Variants in NTRK3 observed in about 807,000 individuals in gnomAD.
NTRK3 encodes the protein NT-3 growth factor receptor.
In NTRK3, 24 loss-of-function variants were observed where a neutral mutation model predicts 91.7. That is an observed-to-expected ratio of 0.26 (90% CI 0.19 to 0.37). The LOEUF is 0.37. Ranked by LOEUF, NTRK3 falls within the 10% of genes least tolerant of loss-of-function variation. The pLI, the probability that NTRK3 is intolerant of heterozygous loss-of-function variation, is 1.00. For synonymous variants in NTRK3, 483 were observed against 404.0 expected, an observed-to-expected ratio of 1.20 and a Z score of -2.34; for missense variants, 880 against 1,068.9, an observed-to-expected ratio of 0.82 and a Z score of 2.46.
At position 87,977,740 on chromosome 15, in the gene NTRK3, G is replaced by A. The variant is rs545101139; in HGVS notation, c.1586-36987C>T. ...ACTCCCAGGTGATACTCTGGAGGCT[G>A]CCCCAGATACTGGGCAAGAACTTGG... On this transcript the variant is annotated intron_variant, in intron 14 of 18. Coordinates refer to ENST00000394480, the Ensembl canonical transcript of NTRK3. The A allele has an allele frequency of 6.5e-5, 15 of 231,504 alleles. No individual in the cohort carries two copies. The South Asian group carries it at 2.7e-3, about 42-fold the overall frequency. The allele number at this position is 231,504 out of a possible 1,614,324, so 14.3% of individuals were successfully genotyped here. A position where few individuals can be genotyped will look rare whatever the true frequency, so the allele number is the denominator to read the frequency against.
chr15:88,215,056 G>T (rs1173312433), intron 3 of NTRK3, among the ~76,000 whole-genome samples: 1 of 152,160 alleles, frequency 6.6e-6, no homozygotes, highest in Admixed American at 6.5e-5. Context: ...GCCCCTATAG[G>T]CCCATAGCCC....
At chr15:88,227,091 G>T (rs186022881) in intron 3 of NTRK3, among the ~76,000 whole-genome samples, 1 of 152,240 alleles carries the variant, frequency 6.6e-6, no homozygotes, top group African/African-American at 2.4e-5. Flanking sequence ...GAACGATGGT[G>T]CCCCAGCCTT....
intron 17 of NTRK3, among the ~76,000 whole-genome samples, chr15:87,884,292 TAA>T (rs1408724357): frequency 1.3e-5 from 2 of 151,602 alleles, no homozygotes; most frequent in South Asian, 4.1e-4. Flanking sequence ...ATTAATTTTT[TAA>T]AAGTTAAATA....
At chr15:87,991,089 T>C (rs1016217610) in intron 14 of NTRK3, among the ~76,000 whole-genome samples, 9 of 152,194 alleles carry the variant, frequency 5.9e-5, no homozygotes, top group African/African-American at 9.7e-5. Context: ...TTCCACAGAA[T>C]GTGGCACCTT....
intron 14 of NTRK3, among the ~76,000 whole-genome samples, chr15:88,030,168 C>A (rs988689406): frequency 1.9e-4 from 29 of 152,204 alleles, no homozygotes; most frequent in African/African-American, 6.5e-4. Flanking sequence ...TCCCCTGCTC[C>A]TTCAAGTCTC....
intron 17 of NTRK3, among the ~76,000 whole-genome samples, chr15:87,900,027 C>T (rs575655743): frequency 6.6e-6 from 1 of 152,136 alleles, no homozygotes; most frequent in Non-Finnish European, 1.5e-5. Context: ...AGGATGCTTG[C>T]TGCTGAGAGG....
chr15:87,959,731 A>G (rs2072052876), intron 14 of NTRK3, among the ~76,000 whole-genome samples: 1 of 152,208 alleles, frequency 6.6e-6, no homozygotes, highest in Admixed American at 6.5e-5. Flanking sequence ...TAAAGGATTG[A>G]CACCAACACA....
At chr15:88,030,792 TG>T (rs1375501620) in intron 14 of NTRK3, among the ~76,000 whole-genome samples, 2 of 151,942 alleles carry the variant, frequency 1.3e-5, no homozygotes, top group Non-Finnish European at 2.9e-5. Flanking sequence ...TTATTTTAAT[TG>T]GAAAAAAAAA....
chr15:88,222,697 C>A (rs1307142234), intron 3 of NTRK3, among the ~76,000 whole-genome samples: 1 of 152,156 alleles, frequency 6.6e-6, no homozygotes, highest in Non-Finnish European at 1.5e-5. Flanking sequence ...ACTTTCCTGG[C>A]ACTTTGAGGT....
intron 13 of NTRK3, among the ~76,000 whole-genome samples, chr15:88,087,612 G>C (rs1317375052): frequency 6.6e-6 from 1 of 152,190 alleles, no homozygotes; most frequent in Non-Finnish European, 1.5e-5. Flanking sequence ...AGAGCTGAAG[G>C]AGGCACCATA....
At chr15:88,158,762 C>A (rs1463549312) in intron 5 of NTRK3, among the ~76,000 whole-genome samples, 1 of 151,448 alleles carries the variant, frequency 6.6e-6, no homozygotes, top group Admixed American at 6.6e-5. Context: ...CCTTTTCACC[C>A]GGGATCCACC....
intron 15 of NTRK3, among the ~76,000 whole-genome samples, chr15:87,939,941 A>C (rs921630948): frequency 3.3e-5 from 5 of 152,256 alleles, no homozygotes; most frequent in African/African-American, 1.2e-4. Context: ...TACCCCAAGC[A>C]ATTCAGCTCC....
chr15:88,149,277 C>G (rs914116439), intron 5 of NTRK3, among the ~76,000 whole-genome samples: 2 of 152,204 alleles, frequency 1.3e-5, no homozygotes, highest in South Asian at 4.1e-4. Flanking sequence ...CCTGAGATGG[C>G]CCATGACTGT....
chr15:88,042,865 C>T (rs2079785044), intron 13 of NTRK3, among the ~76,000 whole-genome samples: 1 of 152,216 alleles, frequency 6.6e-6, no homozygotes, highest in South Asian at 2.1e-4. Flanking sequence ...AAATGGTAAA[C>T]AGATCCACGT....
Position 88,184,216 on chromosome 15 carries a change from T to C in NTRK3, c.323+9A>G. 1 of 1,613,842 alleles carries C rather than the reference T, an allele frequency of 6.2e-7. No homozygotes were observed. On this transcript the variant is annotated intron_variant, in intron 4 of 18. Coordinates refer to ENST00000394480, the Ensembl canonical transcript of NTRK3. ...AGGGAAAGGCCTCTCTGTGGCCGGG[T>C]GTACTCACAGCTTTTGAAGTCCGGT...
intron 13 of NTRK3, among the ~76,000 whole-genome samples, chr15:88,090,267 C>T (rs958934242): frequency 6.6e-6 from 1 of 152,138 alleles, no homozygotes; most frequent in Non-Finnish European, 1.5e-5. Context: ...CTCCCCACCT[C>T]GGTCCCCACC....
chr15:88,159,614 T>C (rs952648905), intron 5 of NTRK3, among the ~76,000 whole-genome samples: 7 of 152,066 alleles, frequency 4.6e-5, no homozygotes, highest in Non-Finnish European at 7.4e-5. Context: ...CCTAAAGAAG[T>C]AGACAATCGT....
At chr15:88,171,201 C>G (rs150001704) in intron 5 of NTRK3, among the ~76,000 whole-genome samples, 55 of 152,306 alleles carry the variant, frequency 3.6e-4, no homozygotes, top group African/African-American at 1.3e-3. Flanking sequence ...GCTCTAAATC[C>G]AGCTCTTAAA....
At chr15:87,961,992 G>T (rs897482596) in intron 14 of NTRK3, among the ~76,000 whole-genome samples, 4 of 152,238 alleles carry the variant, frequency 2.6e-5, no homozygotes, top group Admixed American at 2.0e-4. Flanking sequence ...CGGCCTGGCA[G>T]ATAGGAAGGG....
Sources: gnomAD v4.1 joint callset for allele counts (sites outside exome capture counted in the v4.1 genomes callset) on GRCh38, gnomAD v4.1.1 for gene constraint, MANE v1.5 for transcripts, NCBI Gene and HGNC (gene_info 2026-07-23, HGNC 2026-07-21) for gene names.